Variants in PPM1E observed in about 807,000 individuals in gnomAD.
PPM1E encodes the protein protein phosphatase 1E.
A neutral mutation model predicts 65.9 loss-of-function variants in PPM1E; 20 were observed. The observed-to-expected ratio is 0.30, with a 90% confidence interval of 0.21 to 0.44. The LOEUF (loss-of-function observed/expected upper bound fraction) is 0.44. Among genes scored for constraint, PPM1E ranks in the 20% least tolerant of loss-of-function variants. The pLI is 1.00. For synonymous variants in PPM1E, 352 were observed against 374.9 expected (o/e 0.94, Z 0.70); for missense variants, 713 against 953.1 (o/e 0.75, Z 3.32).
At chr17:58,838,750 A>G (rs2050688099) in intron 1 of PPM1E, among the ~76,000 whole-genome samples, 1 of 152,350 alleles carries the variant, frequency 6.6e-6, no homozygotes, top group East Asian at 1.9e-4. Flanking sequence ...AGCTTTATTC[A>G]TAACTGCCCC....
chr17:58,981,338 A>AT lies in PPM1E; in HGVS notation c.*307_*308insT, dbSNP rs1415783051. 4 of 284,168 alleles carry AT rather than the reference A, an allele frequency of 1.4e-5. No individual in the cohort carries two copies. The highest frequency in any genetic ancestry group is 8.9e-5 in the African/African-American group (4 of 45,070). 17.6% of individuals were successfully genotyped at this position (284,168 alleles called of 1,614,324 possible). A position where few individuals can be genotyped will look rare whatever the true frequency, so the allele number is the denominator to read the frequency against. On this transcript the variant is annotated 3_prime_UTR_variant, in exon 7 of 7. Coordinates refer to ENST00000308249, the MANE Select transcript of PPM1E (RefSeq NM_014906.5). ...ACAACCCCCTTCCCACCATCCCTTCAGTCACTAGTGGAAGCTTTCAAGTTA... is the reference window on the plus strand; with the variant it reads ...ACAACCCCCTTCCCACCATCCCTTCATGTCACTAGTGGAAGCTTTCAAGTTA...
At chr17:58,857,544 G>GT (rs1190963117) in intron 1 of PPM1E, among the ~76,000 whole-genome samples, 1 of 152,094 alleles carries the variant, frequency 6.6e-6, no homozygotes, top group South Asian at 2.1e-4. Flanking sequence ...GAAAAAATAT[G>GT]TAACAGCTTT....
intron 1 of PPM1E, among the ~76,000 whole-genome samples, chr17:58,931,101 A>G (rs1473952083): frequency 1.4e-5 from 2 of 146,042 alleles, no homozygotes; most frequent in African/African-American, 5.0e-5. Context: ...GAAAGAAAGA[A>G]AAAAGCCGGG....
rs928591397 is a variant in PPM1E, at chr17:58,883,860, G to A, written c.465-71789G>A. 2.6e-5 allele frequency among the ~76,000 whole-genome samples: 4 copies of A among 152,126 alleles called. No homozygotes were observed. In the South Asian group the frequency reaches 8.3e-4, roughly 32 times the overall value. On this transcript the variant is annotated intron_variant, in intron 1 of 6. Coordinates refer to ENST00000308249, the MANE Select transcript of PPM1E (RefSeq NM_014906.5). The stretch of plus-strand genomic sequence containing the variant: ...CTAAGTACATGGGATGGGGCTTGTA[G>A]ATTTTCAGTTTTACTGTAGGATGAC...
At chr17:58,932,296 T>C (rs2051910997) in intron 1 of PPM1E, among the ~76,000 whole-genome samples, 1 of 151,948 alleles carries the variant, frequency 6.6e-6, no homozygotes, top group Admixed American at 6.6e-5. Flanking sequence ...TAGTGAAACC[T>C]CGTCTCTACT....
rs1336321142 is a variant in PPM1E, at chr17:58,980,392, T to G, written c.1629T>G (p.Asp543Glu). The G allele has an allele frequency of 6.2e-7, 1 of 1,614,020 alleles. No individual in the cohort carries two copies. The highest frequency in any genetic ancestry group is 2.2e-5 in the East Asian group (1 of 44,890). Residue 543 changes from aspartate to glutamate, a missense_variant, in exon 7 of 7, where the codon GAT becomes GAG. Coordinates refer to ENST00000308249, the MANE Select transcript of PPM1E (RefSeq NM_014906.5). This position sits in a 1 kb window ranked among gnomAD's most constrained non-coding sequence, Gnocchi z 4.7. Reference sequence around the variant, plus strand: ...CAGCACCAGCCGACCTAGGCTATGATGGGCGTGTGGATTCATTCACTGATA... The same window carrying G: ...CAGCACCAGCCGACCTAGGCTATGAGGGGCGTGTGGATTCATTCACTGATA... ...QCSAPADLGY[D>E]GRVDSFTDRT...
At chr17:58,837,905 T>G (rs1017522137) in intron 1 of PPM1E, among the ~76,000 whole-genome samples, 2 of 152,242 alleles carry the variant, frequency 1.3e-5, no homozygotes, top group African/African-American at 4.8e-5. Context: ...TGACTCTGTC[T>G]CATGTCCAGC....
chr17:58,879,793 G>A (rs111430734), intron 1 of PPM1E, among the ~76,000 whole-genome samples: 2 of 152,154 alleles, frequency 1.3e-5, no homozygotes, highest in Admixed American at 6.5e-5. Context: ...ACAGGCGTGA[G>A]CCACCGTGCC....
intron 1 of PPM1E, among the ~76,000 whole-genome samples, chr17:58,841,352 C>T (rs1027890973): frequency 7.9e-5 from 12 of 151,982 alleles, no homozygotes; most frequent in Admixed American, 3.3e-4. Context: ...ATGGGAGAGA[C>T]GTGACAAACA....
chr17:58,861,111 T>C (rs888132075), intron 1 of PPM1E, among the ~76,000 whole-genome samples: 9 of 152,200 alleles, frequency 5.9e-5, no homozygotes, highest in African/African-American at 2.2e-4. Context: ...TTTCTGGTCT[T>C]CTATTCAGTC....
intron 6 of PPM1E, among the ~76,000 whole-genome samples, chr17:58,979,514 A>G (rs906026200): frequency 6.6e-6 from 1 of 152,230 alleles, no homozygotes; most frequent in African/African-American, 2.4e-5. Context: ...TATTTAATGA[A>G]GAGAATGATC....
At chr17:58,810,158 T>G (rs551448770) in intron 1 of PPM1E, among the ~76,000 whole-genome samples, 1 of 152,170 alleles carries the variant, frequency 6.6e-6, no homozygotes, top group Non-Finnish European at 1.5e-5. Flanking sequence ...AGAGGTCTGA[T>G]TTTAGGCTTG....
chr17:58,844,246 A>G (rs1343110449), intron 1 of PPM1E, among the ~76,000 whole-genome samples: 1 of 152,186 alleles, frequency 6.6e-6, no homozygotes, highest in East Asian at 1.9e-4. Flanking sequence ...AGATTTTCTA[A>G]TATGATGAGT....
At chr17:58,845,031 A>G (rs2050757241) in intron 1 of PPM1E, among the ~76,000 whole-genome samples, 1 of 152,218 alleles carries the variant, frequency 6.6e-6, no homozygotes, top group African/African-American at 2.4e-5. Context: ...CAGTCTGGGA[A>G]TGGCATAGTC....
At chr17:58,809,582 C>CTA (rs1388629636) in intron 1 of PPM1E, among the ~76,000 whole-genome samples, 2 of 152,080 alleles carry the variant, frequency 1.3e-5, no homozygotes, top group Non-Finnish European at 2.9e-5. Context: ...CAGGGTCTTA[C>CTA]TATGTTTCCC....
intron 1 of PPM1E, among the ~76,000 whole-genome samples, chr17:58,837,260 T>TAA (rs57058929): frequency 1.7e-3 from 110 of 66,274 alleles, no homozygotes; most frequent in Non-Finnish European, 2.3e-3. Flanking sequence ...TTAAAAAAAT[T>TAA]AAAAAAAAAA....
In PPM1E at chr17:58,980,447, A is replaced by C; in HGVS notation, c.1684A>C (p.Asn562His). The change falls in exon 7 of 7, where the codon AAC (asparagine) becomes CAC (histidine). Residue 562 changes from asparagine (N) to histidine (H), a missense_variant. This residue lies in a region of PPM1E where 286 missense variants were observed against 313.8 expected (regional missense o/e 0.91). Coordinates refer to ENST00000308249, the MANE Select transcript of PPM1E (RefSeq NM_014906.5). This position sits in a 1 kb window ranked among gnomAD's most constrained non-coding sequence, Gnocchi z 4.7. Reference protein sequence around the residue: ...RTSLSPGSQINVLEDPGYLDL... With the variant: ...RTSLSPGSQIHVLEDPGYLDL... Reference sequence around the variant, plus strand: ...TAGCCTGAGCCCAGGGTCCCAAATCAACGTGCTGGAAGACCCAGGCTACCT... The same window carrying C: ...TAGCCTGAGCCCAGGGTCCCAAATCCACGTGCTGGAAGACCCAGGCTACCT... 1 of 1,614,152 alleles carries C rather than the reference A, an allele frequency of 6.2e-7. No individual in the cohort carries two copies. Among genetic ancestry groups the C allele is most frequent in the Non-Finnish European group, 8.5e-7 (1 of 1,180,036 alleles).
intron 1 of PPM1E, among the ~76,000 whole-genome samples, chr17:58,775,103 G>A (rs988814614): frequency 1.3e-5 from 2 of 152,052 alleles, no homozygotes; most frequent in African/African-American, 2.4e-5. Context: ...CAGCTGCCTC[G>A]GCCTCCCAAA....
chr17:58,982,356 C>G lies in PPM1E; in HGVS notation c.*1325C>G, dbSNP rs2031406590. 1 of 152,246 alleles carries G rather than the reference C, an allele frequency of 6.6e-6. No individual in the cohort carries two copies. Among genetic ancestry groups the G allele is most frequent in the Non-Finnish European group, 1.5e-5 (1 of 68,072 alleles). 9.4% of individuals were successfully genotyped at this position (152,246 alleles called of 1,614,324 possible). On this transcript the variant is annotated 3_prime_UTR_variant, in exon 7 of 7. Transcript: ENST00000308249. ...CAGATTCATTCATTCAGTGAAGCAG[C>G]CTCTGATTCTCTAAGAGTCACGAAT...
Sources: allele counts gnomAD v4.1 joint callset (sites outside exome capture counted in the v4.1 genomes callset), GRCh38; gene constraint gnomAD v4.1.1; regional missense constraint gnomAD v4.1.1; non-coding constraint Gnocchi (gnomAD v3.1); transcripts MANE v1.5; gene names NCBI Gene and HGNC (gene_info 2026-07-23, HGNC 2026-07-21).